Variants in CTNNA2 observed in about 807,000 individuals in gnomAD.
The protein encoded by CTNNA2 is catenin alpha-2.
A neutral mutation model predicts 101.0 loss-of-function variants in CTNNA2; 42 were observed. The observed-to-expected ratio is 0.42, with a 90% CI of 0.32 to 0.54. The LOEUF (loss-of-function observed/expected upper bound fraction) is 0.54. Among genes scored for constraint, CTNNA2 ranks in the 20% least tolerant of loss-of-function variants. The probability of loss-of-function intolerance (pLI) is 0.14; values close to 1 mark genes in which losing one functional copy is unlikely to be tolerated. For synonymous variants in CTNNA2, 450 were observed against 456.4 expected (o/e 0.99, Z 0.18); for missense variants, 871 against 1,223.1 (o/e 0.71, Z 4.29).
At chr2:79,876,647 C>T (rs1030297610) in intron 6 of CTNNA2, among the ~76,000 whole-genome samples, 13 of 152,200 alleles carry the variant, frequency 8.5e-5, no homozygotes, top group African/African-American at 2.9e-4. Flanking sequence ...GCTGCTTCCC[C>T]ATGCTGCCTT....
At chr2:80,287,376 C>T (rs1440430255) in intron 7 of CTNNA2, among the ~76,000 whole-genome samples, 1 of 152,122 alleles carries the variant, frequency 6.6e-6, no homozygotes, top group Non-Finnish European at 1.5e-5. Context: ...GTCACATATA[C>T]TACTTTATAT....
chr2:80,007,046 G>T (rs17018429), intron 7 of CTNNA2, among the ~76,000 whole-genome samples: 7,776 of 152,116 alleles, frequency 0.051, 432 homozygotes, highest in African/African-American at 0.14. Context: ...TTCTCTAAAT[G>T]TGGATTTTCA....
intron 2 of CTNNA2, among the ~76,000 whole-genome samples, chr2:79,721,436 AT>A (rs964853541): frequency 1.3e-5 from 2 of 152,166 alleles, no homozygotes; most frequent in African/African-American, 4.8e-5. Context: ...CTCCATCCAG[AT>A]TACCTTATCT....
At chr2:79,305,506 T>G (rs2104394664) in intron 2 of CTNNA2, among the ~76,000 whole-genome samples, 1 of 150,088 alleles carries the variant, frequency 6.7e-6, no homozygotes, top group Non-Finnish European at 1.5e-5. Flanking sequence ...TTCAATGTTT[T>G]ATTATATTCT....
chr2:80,588,302 C>T (rs1359820883), intron 14 of CTNNA2, among the ~76,000 whole-genome samples: 1 of 152,042 alleles, frequency 6.6e-6, no homozygotes, highest in Non-Finnish European at 1.5e-5. Context: ...AAGTTACTAA[C>T]AAAAAGCACA....
intron 7 of CTNNA2, among the ~76,000 whole-genome samples, chr2:80,153,747 C>G (rs968162196): frequency 5.3e-5 from 8 of 152,148 alleles, no homozygotes; most frequent in African/African-American, 1.9e-4. Context: ...CAACAAAAAC[C>G]AGCAGCTGCC....
chr2:80,043,040 C>CCTCTTTCT (rs1491166122), intron 7 of CTNNA2, among the ~76,000 whole-genome samples: 2 of 52,742 alleles, frequency 3.8e-5, no homozygotes, highest in Non-Finnish European at 7.7e-5. Flanking sequence ...TCTTTCTTTC[C>CCTCTTTCT]TTCTTTCTTT....
chr2:80,462,631 C>CTTTCT (rs1177394836), intron 9 of CTNNA2, among the ~76,000 whole-genome samples: 1 of 94,772 alleles, frequency 1.1e-5, no homozygotes, highest in South Asian at 4.2e-4. Context: ...TTCTTTCTTT[C>CTTTCT]TTTTTTTTTT....
chr2:80,308,249 G>T (rs115503585), intron 7 of CTNNA2, among the ~76,000 whole-genome samples: 1 of 152,196 alleles, frequency 6.6e-6, no homozygotes, highest in Non-Finnish European at 1.5e-5. Context: ...AGAGGTGCAA[G>T]TGCAGAAAGT....
chr2:80,645,759 G>T (rs1674015143), intron 18 of CTNNA2, among the ~76,000 whole-genome samples: 2 of 151,892 alleles, frequency 1.3e-5, no homozygotes, highest in African/African-American at 2.4e-5. Context: ...AGAAATTTGG[G>T]CTGTATAAAC....
intron 4 of CTNNA2, among the ~76,000 whole-genome samples, chr2:79,390,416 A>G (rs1213661133): frequency 6.6e-6 from 1 of 152,166 alleles, no homozygotes; most frequent in African/African-American, 2.4e-5. Flanking sequence ...AAGAAAACAA[A>G]ATTAGAATTT....
chr2:79,994,897 G>A (rs2103920864), intron 7 of CTNNA2, among the ~76,000 whole-genome samples: 1 of 152,252 alleles, frequency 6.6e-6, no homozygotes, highest in Non-Finnish European at 1.5e-5. Context: ...AACCAAGGCT[G>A]TACCAGGAGG....
chr2:79,970,585 A>T (rs1214525798), intron 7 of CTNNA2, among the ~76,000 whole-genome samples: 1 of 152,162 alleles, frequency 6.6e-6, no homozygotes, highest in Admixed American at 6.5e-5. Context: ...TTCCAAGCTG[A>T]TTCCTGGATT....
intron 7 of CTNNA2, among the ~76,000 whole-genome samples, chr2:80,147,957 T>C (rs1703454454): frequency 6.6e-6 from 1 of 152,206 alleles, no homozygotes; most frequent in South Asian, 2.1e-4. Context: ...TCTGTCTTTA[T>C]TAAATGTCTA....
At chr2:80,425,247 T>C (rs938577520) in intron 9 of CTNNA2, among the ~76,000 whole-genome samples, 34 of 152,326 alleles carry the variant, frequency 2.2e-4, no homozygotes, top group African/African-American at 7.7e-4. Flanking sequence ...GGGTCTCTTG[T>C]AGGCTACTCC....
intron 7 of CTNNA2, among the ~76,000 whole-genome samples, chr2:79,962,927 C>T (rs1330859628): frequency 6.6e-6 from 1 of 151,754 alleles, no homozygotes; most frequent in Non-Finnish European, 1.5e-5. Context: ...AAAAATTAAC[C>T]GGGCGTAGTG....
chr2:80,050,803 C>G (rs1696827746), intron 7 of CTNNA2, among the ~76,000 whole-genome samples: 1 of 152,202 alleles, frequency 6.6e-6, no homozygotes, highest in African/African-American at 2.4e-5. Context: ...AGGGATCAAG[C>G]AATCCTCCTG....
intron 9 of CTNNA2, among the ~76,000 whole-genome samples, chr2:80,486,263 G>T (rs968659204): frequency 6.6e-6 from 1 of 152,058 alleles, no homozygotes; most frequent in Non-Finnish European, 1.5e-5. Flanking sequence ...TACCATCCTT[G>T]TCCCAGAAAG....
At chr2:79,779,026 T>C (rs957149315) in intron 3 of CTNNA2, among the ~76,000 whole-genome samples, 2 of 137,012 alleles carry the variant, frequency 1.5e-5, no homozygotes, top group African/African-American at 7.4e-5. Context: ...TTAGAAAATA[T>C]TTATTTATTC....
Sources: gnomAD v4.1 joint callset for allele counts (sites outside exome capture counted in the v4.1 genomes callset) on GRCh38, gnomAD v4.1.1 for gene constraint, MANE v1.5 for transcripts, NCBI Gene and HGNC (gene_info 2026-07-23, HGNC 2026-07-21) for gene names.